The following TBC1D9 variants were observed in gnomAD, a reference collection of about 807,000 sequenced individuals.
The protein encoded by TBC1D9 is TBC1 domain family member 9A.
TBC1D9 carries 63 observed loss-of-function variants against 132.0 expected under a neutral mutation model. The ratio of observed to expected loss-of-function variants is 0.48; its 90% CI spans 0.39 to 0.59. The LOEUF (loss-of-function observed/expected upper bound fraction) is 0.59. Among genes scored for constraint, TBC1D9 ranks in the 20% least tolerant of loss-of-function variants. TBC1D9 has a pLI of 0.00. For missense variants in TBC1D9, 1,261 were observed against 1,592.7 expected, an observed-to-expected ratio of 0.79 and a Z score of 3.54; for synonymous variants, 610 against 609.9, an observed-to-expected ratio of 1.00 and a Z score of 0.00.
Position 140,679,644 on chromosome 4 carries a change from C to CA in TBC1D9, c.559dup (p.Cys187LeufsTer24), listed in dbSNP as rs1737675501. ...CCTTCCCATAAGAAAAGAATAAAAG[C>CA]AAAGGTGGTTAATGCTGAGGTACAT... On this transcript the variant is annotated frameshift_variant, in exon 4 of 21. Coordinates refer to ENST00000442267, the MANE Select transcript of TBC1D9 (RefSeq NM_015130.3). LOFTEE classifies it high-confidence loss of function. The CA allele has an allele frequency of 6.2e-7, 1 of 1,613,558 alleles. No individual in the cohort carries two copies. The highest frequency in any genetic ancestry group is 8.5e-7 in the Non-Finnish European group (1 of 1,179,678).
Position 140,622,005 on chromosome 4 carries a change from T to C in TBC1D9, c.*190A>G, listed in dbSNP as rs1315008210. On this transcript the variant is annotated 3_prime_UTR_variant, in exon 21 of 21. Coordinates refer to ENST00000442267, the MANE Select transcript of TBC1D9 (RefSeq NM_015130.3). ...TCCCCTCCCCGCAACAAGAGTGTAA[T>C]GTACCTACATTGAGGTGTTTAAATA... 1.4e-6 allele frequency: 1 copy of C among 733,252 alleles called. No individual in the cohort carries two copies. 45.4% of individuals were successfully genotyped at this position (733,252 alleles called of 1,614,324 possible).
rs559371720 is a variant in TBC1D9, at chr4:140,750,290, C to G, written c.130+5626G>C. Among the ~76,000 whole-genome samples the G allele has an allele frequency of 2.6e-5, 4 of 151,804 alleles. No individual in the cohort carries two copies. The South Asian group carries it at 8.3e-4, about 32-fold the overall frequency. On this transcript the variant is annotated intron_variant, in intron 1 of 20. Coordinates refer to ENST00000442267, the MANE Select transcript of TBC1D9 (RefSeq NM_015130.3). Reference sequence around the variant, plus strand: ...TCAATTCATAATTGTATATGAGGTCCTAGCCTGTCAAGAAAGGCAAAGACA... The same window carrying G: ...TCAATTCATAATTGTATATGAGGTCGTAGCCTGTCAAGAAAGGCAAAGACA...
At chr4:140,733,506 A>C (rs1738629591) in intron 1 of TBC1D9, among the ~76,000 whole-genome samples, 1 of 152,156 alleles carries the variant, frequency 6.6e-6, no homozygotes, top group Non-Finnish European at 1.5e-5. Context: ...ATTTCAACAA[A>C]CACCGCTACA....
At position 140,658,743 on chromosome 4, in the gene TBC1D9, G is replaced by A. The variant is rs577427135; in HGVS notation, c.1921+845C>T. On this transcript the variant is annotated intron_variant, in intron 11 of 20. Coordinates refer to ENST00000442267, the MANE Select transcript of TBC1D9 (RefSeq NM_015130.3). Reference sequence around the variant, plus strand: ...GGAGAATCACTTGAACCTGGGAGGCGGAGGTTGTAGTGAGCCAAATTCACG... The same window carrying A: ...GGAGAATCACTTGAACCTGGGAGGCAGAGGTTGTAGTGAGCCAAATTCACG... 2.5e-3 allele frequency among the ~76,000 whole-genome samples: 374 copies of A among 151,788 alleles called. 1 individual carries two copies. Among genetic ancestry groups the A allele is most frequent in the African/African-American group, 8.4e-3 (348 of 41,374 alleles).
At chr4:140,634,331 G>T in intron 15 of TBC1D9, 143 bp from the exon 16 acceptor site, 1 of 1,145,890 alleles carries the variant, frequency 8.7e-7, no homozygotes, top group Non-Finnish European at 1.2e-6. Flanking sequence ...GGCCCCCTTG[G>T]TCTCTTAGTT....
chr4:140,670,631 G>A (rs1737519968), intron 7 of TBC1D9, 89 bp downstream of exon 7: 2 of 1,077,302 alleles, frequency 1.9e-6, no homozygotes, highest in East Asian at 4.8e-5. Flanking sequence ...CGCAAAGCTT[G>A]AAGATCAAAC....
At chr4:140,644,922 G>T (rs1482578038) in intron 13 of TBC1D9, 16 of 445,936 alleles carry the variant, frequency 3.6e-5, no homozygotes, top group South Asian at 1.9e-4. Context: ...GGGTGGGAAC[G>T]CAGGGGCCAT....
At chr4:140,648,771 G>A (rs1363035632) in intron 13 of TBC1D9, among the ~76,000 whole-genome samples, 1 of 152,040 alleles carries the variant, frequency 6.6e-6, no homozygotes, top group African/African-American at 2.4e-5. Context: ...ATAGGTGTGT[G>A]GCCCTTCATT....
chr4:140,659,453 T>C (rs1737324716), intron 11 of TBC1D9, 135 bp downstream of exon 11: 1 of 594,142 alleles, frequency 1.7e-6, no homozygotes, highest in Admixed American at 3.1e-5. Flanking sequence ...CTCTCTCATT[T>C]CCATTTTGAA....
At chr4:140,696,526 T>C (rs1467545308) in intron 2 of TBC1D9, among the ~76,000 whole-genome samples, 2 of 151,382 alleles carry the variant, frequency 1.3e-5, no homozygotes, top group African/African-American at 4.9e-5. Flanking sequence ...AAATAACTCT[T>C]GGTACCTCCA....
chr4:140,622,524 C>A lies in TBC1D9; in HGVS notation c.3472G>T (p.Asp1158Tyr), dbSNP rs1463604255. The change falls in exon 21 of 21, where the codon GAC (aspartate) becomes TAC (tyrosine). Residue 1158 changes from aspartate to tyrosine, a missense_variant. By Grantham distance (160) the Asp-to-Tyr change is radical (BLOSUM62 -3). This residue lies in a region of TBC1D9 where 618 missense variants were observed against 724.4 expected (regional missense o/e 0.85). Coordinates refer to ENST00000442267, the MANE Select transcript of TBC1D9 (RefSeq NM_015130.3). ...SMLISDDDTK[D>Y]DSSMSSYSVL... ...GAGTATGAGGACATGGAGCTGTCGT[C>A]CTTGGTGTCGTCGTCAGAGATCAGC... The A allele has an allele frequency of 6.2e-7, 1 of 1,614,068 alleles. No homozygotes were observed. The highest frequency in any genetic ancestry group is 1.7e-5 in the Admixed American group (1 of 60,036).
At chr4:140,724,254 C>T (rs760148640) in intron 1 of TBC1D9, among the ~76,000 whole-genome samples, 1 of 152,090 alleles carries the variant, frequency 6.6e-6, no homozygotes, top group Non-Finnish European at 1.5e-5. Context: ...CTCAAAAGTA[C>T]CAAGAAAAAG....
intron 1 of TBC1D9, among the ~76,000 whole-genome samples, chr4:140,732,455 T>C (rs1351679510): frequency 1.3e-5 from 2 of 152,230 alleles, no homozygotes. Context: ...GTCTCAAATA[T>C]AATTACAAGA....
rs36222926 is a variant in TBC1D9 at position 140,709,248 on chromosome 4, T to TCACA, written c.131-7638_131-7635dup. Reference sequence around the variant, plus strand: ...CTCTCTCTCTCTCTCTCTCTCTCTCTCACACACACACACACACACACACAC... The same window carrying TCACA: ...CTCTCTCTCTCTCTCTCTCTCTCTCTCACACACACACACACACACACACACACAC... On this transcript the variant is annotated intron_variant, in intron 1 of 20. Coordinates refer to ENST00000442267, the MANE Select transcript of TBC1D9 (RefSeq NM_015130.3). Among the ~76,000 whole-genome samples the TCACA allele has an allele frequency of 2.6e-3, 271 of 104,164 alleles. 1 individual carries two copies. The highest frequency in any genetic ancestry group is 6.2e-3 in the African/African-American group (140 of 22,676). The allele number at this position is 104,164 out of a possible 152,430, so 68.3% of individuals were successfully genotyped here.
Position 140,641,981 on chromosome 4 carries a change from A to G in TBC1D9, c.2338-2553T>C. 3 of 577,224 alleles carry G rather than the reference A, an allele frequency of 5.2e-6. No homozygotes were observed. In the Admixed American group the frequency reaches 9.1e-5, roughly 17 times the overall value. 35.8% of individuals were successfully genotyped at this position (577,224 alleles called of 1,614,324 possible). The stretch of plus-strand genomic sequence containing the variant: ...CCTTAGTCAAATGAATCTTCCGAAG[A>G]GTCGCTGAAGGAGGAATGCACCTTA... On this transcript the variant is annotated intron_variant, in intron 13 of 20. Coordinates refer to ENST00000442267, the MANE Select transcript of TBC1D9 (RefSeq NM_015130.3).
chr4:140,642,591 CCAT>C, intron 13 of TBC1D9: 2 of 908,262 alleles, frequency 2.2e-6, no homozygotes, highest in Non-Finnish European at 3.5e-6. Context: ...TGGTCGCTGT[CCAT>C]CTTCTTCTTC....
At position 140,671,071 on chromosome 4, in the gene TBC1D9, G is replaced by C. The variant is rs117002017; in HGVS notation, c.1060-145C>G. 1,037 of 644,878 alleles carry C rather than the reference G, an allele frequency of 1.6e-3. 7 individuals are homozygous for C. The highest frequency in any genetic ancestry group is 0.012 in the East Asian group (451 of 37,610). The allele number at this position is 644,878 out of a possible 1,614,324, so 39.9% of individuals were successfully genotyped here. A position where few individuals can be genotyped will look rare whatever the true frequency, so the allele number is the denominator to read the frequency against. ...TATTGAAGCAAAACTGAGACTCTTT[G>C]ACTCTGTTCCAGTAAAATAAAACAG... On this transcript the variant is annotated intron_variant, in intron 6 of 20. Transcript: ENST00000442267.
At chr4:140,691,753 T>C (rs1274209237) in intron 2 of TBC1D9, among the ~76,000 whole-genome samples, 1 of 152,252 alleles carries the variant, frequency 6.6e-6, no homozygotes, top group Non-Finnish European at 1.5e-5. Flanking sequence ...TTTCAAGCAG[T>C]TTTTTAGGGT....
intron 1 of TBC1D9, among the ~76,000 whole-genome samples, chr4:140,733,363 T>G (rs1272382888): frequency 6.6e-6 from 1 of 152,166 alleles, no homozygotes; most frequent in African/African-American, 2.4e-5. Flanking sequence ...TCAGCTGATG[T>G]CAGGACCAGA....
Sources: gnomAD v4.1 joint callset for allele counts (sites outside exome capture counted in the v4.1 genomes callset) on GRCh38, gnomAD v4.1.1 for gene constraint, gnomAD v4.1.1 regional missense constraint, MANE v1.5 for transcripts, NCBI Gene and HGNC (gene_info 2026-07-23, HGNC 2026-07-21) for gene names.